Variants in MAPK14 observed in about 807,000 individuals in gnomAD.
MAPK14 encodes the protein CSAID-binding protein.
In MAPK14, 16 loss-of-function variants were observed where a neutral mutation model predicts 49.6. That is an observed-to-expected ratio of 0.32 (90% confidence interval 0.22 to 0.49). The LOEUF (loss-of-function observed/expected upper bound fraction) is 0.49, where lower values mean the gene tolerates loss of function less well. Among genes scored for constraint, MAPK14 ranks in the 20% least tolerant of loss-of-function variants. The pLI, the probability that MAPK14 is intolerant of heterozygous loss-of-function variation, is 0.99. For missense variants in MAPK14, 200 were observed against 441.2 expected (o/e 0.45, Z 4.90); for synonymous variants, 142 against 158.0 (o/e 0.90, Z 0.76).
intron 3 of MAPK14, among the ~76,000 whole-genome samples, chr6:36,068,290 G>A (rs920123282): frequency 8.5e-5 from 13 of 152,298 alleles, no homozygotes; most frequent in African/African-American, 2.4e-4. Context: ...CAGAGACATA[G>A]ACTATGAAAT....
chr6:36,120,116 CGGG>C, the MAPK14 span, among the ~76,000 whole-genome samples: 1 of 152,102 alleles, frequency 6.6e-6, no homozygotes, highest in Non-Finnish European at 1.5e-5. Context: ...CTTGATCAAT[CGGG>C]GCCTCAGTTA....
At chr6:36,106,509 A>G (rs1013617022) in intron 10 of MAPK14, among the ~76,000 whole-genome samples, 10 of 152,200 alleles carry the variant, frequency 6.6e-5, no homozygotes, top group African/African-American at 2.4e-4. Flanking sequence ...TCTTAACATG[A>G]ACTGGATTTT....
Position 36,108,761 on chromosome 6 carries a change from T to G in MAPK14, c.*314T>G, listed in dbSNP as rs1009178722. 18 of 355,954 alleles carry G rather than the reference T, an allele frequency of 5.1e-5. No homozygotes were observed. Among genetic ancestry groups the G allele is most frequent in the African/African-American group, 3.2e-4 (15 of 47,568 alleles). The allele number at this position is 355,954 out of a possible 1,614,324, so 22.0% of individuals were successfully genotyped here. A position where few individuals can be genotyped will look rare whatever the true frequency, so the allele number is the denominator to read the frequency against. ...ACAAGAGCTGCTGTCCTTTTAGGAA[T>G]ATGTTCAATGCAAAGTAAAAAAATA... On this transcript the variant is annotated 3_prime_UTR_variant, in exon 12 of 12. Transcript: ENST00000229794.
intron 3 of MAPK14, among the ~76,000 whole-genome samples, chr6:36,060,469 A>G (rs1190839390): frequency 1.3e-5 from 2 of 152,244 alleles, no homozygotes; most frequent in Non-Finnish European, 2.9e-5. Context: ...TTTTGGTCAC[A>G]TTGAAATTTT....
At chr6:36,038,749 TA>T (rs144828646) in intron 1 of MAPK14, among the ~76,000 whole-genome samples, 2,099 of 152,254 alleles carry the variant, frequency 0.014, 60 homozygotes, top group African/African-American at 0.047. Context: ...GCTCTTTAAA[TA>T]ACATGGGCTG....
intron 9 of MAPK14, 100 bp from the exon 10 acceptor site, chr6:36,102,471 T>G: frequency 1.2e-6 from 1 of 861,922 alleles, no homozygotes; most frequent in Non-Finnish European, 1.9e-6. Context: ...GTTAGTGGAC[T>G]TTGTCAGTTA....
At chr6:36,114,465 A>C (rs1223927721), downstream of MAPK14, among the ~76,000 whole-genome samples, 1 of 152,094 alleles carries the variant, frequency 6.6e-6, no homozygotes, top group Admixed American at 6.5e-5. Flanking sequence ...AAAAATACAA[A>C]AAATTAGCCG....
At chr6:36,076,635 T>C in intron 8 of MAPK14, 27 bp downstream of exon 8, 4 of 1,566,294 alleles carry the variant, frequency 2.6e-6, no homozygotes, top group Non-Finnish European at 3.5e-6. Context: ...TTTGGATTCT[T>C]GTTTCTTATC....
At chr6:36,051,650 A>G (rs901348633) in intron 1 of MAPK14, among the ~76,000 whole-genome samples, 2 of 152,174 alleles carry the variant, frequency 1.3e-5, no homozygotes, top group African/African-American at 4.8e-5. Context: ...TCAAGTGGTC[A>G]GTAGCATAAG....
chr6:36,052,635 A>G, intron 1 of MAPK14, 64 bp from the exon 2 acceptor site: 2 of 1,461,178 alleles, frequency 1.4e-6, no homozygotes, highest in South Asian at 2.8e-5. Flanking sequence ...AGCCTTATAA[A>G]TACCCCAAAA....
intron 3 of MAPK14, among the ~76,000 whole-genome samples, chr6:36,071,568 G>A (rs768067423): frequency 7.9e-5 from 12 of 152,080 alleles, no homozygotes; most frequent in South Asian, 2.1e-4. Context: ...GATAAAACAT[G>A]TTCCTCCTTC....
At chr6:36,030,398 A>G (rs1762491818) in intron 1 of MAPK14, among the ~76,000 whole-genome samples, 1 of 152,198 alleles carries the variant, frequency 6.6e-6, no homozygotes, top group Admixed American at 6.5e-5. Flanking sequence ...TTACAAAGGT[A>G]CTCAGTGGGC....
chr6:36,055,188 CA>C (rs1763547399), intron 2 of MAPK14, among the ~76,000 whole-genome samples: 1 of 152,224 alleles, frequency 6.6e-6, no homozygotes, highest in African/African-American at 2.4e-5. Context: ...GGCAGCCTGC[CA>C]GCTGCATCCT....
At chr6:36,052,614 AATTTG>A (rs933022540) in intron 1 of MAPK14, 80 bp from the exon 2 acceptor site, 1 of 1,306,220 alleles carries the variant, frequency 7.7e-7, no homozygotes, top group Admixed American at 2.6e-5. Flanking sequence ...TAGACCCTTT[AATTTG>A]GAAATAGCCT....
Position 36,027,851 on chromosome 6 carries a change from G to C in MAPK14, c.-307G>C. On this transcript the variant is annotated 5_prime_UTR_variant, in exon 1 of 12. Transcript: ENST00000229794. Reference sequence around the variant, plus strand: ...GCAGCAGCTGGAACGGGAGTACTGCGACGCAGCCCGGAGTCGGCCTTGTAG... The same window carrying C: ...GCAGCAGCTGGAACGGGAGTACTGCCACGCAGCCCGGAGTCGGCCTTGTAG... 1 of 402,356 alleles carries C rather than the reference G, an allele frequency of 2.5e-6. No individual in the cohort carries two copies. Among genetic ancestry groups the C allele is most frequent in the Non-Finnish European group, 4.4e-6 (1 of 228,806 alleles). The allele number at this position is 402,356 out of a possible 1,614,324, so 24.9% of individuals were successfully genotyped here.
chr6:36,091,756 C>T (rs557957307), intron 8 of MAPK14, among the ~76,000 whole-genome samples: 2 of 151,620 alleles, frequency 1.3e-5, no homozygotes, highest in East Asian at 1.9e-4. Context: ...GTGTGTTTTT[C>T]CATGGAGTAT....
intron 1 of MAPK14, among the ~76,000 whole-genome samples, chr6:36,044,596 C>T (rs138377307): frequency 2.0e-5 from 3 of 152,268 alleles, no homozygotes; most frequent in Admixed American, 1.3e-4. Flanking sequence ...AGTTGACAGC[C>T]GAACATGGTG....
At chr6:36,089,857 C>T (rs1010672121) in intron 8 of MAPK14, among the ~76,000 whole-genome samples, 2 of 152,188 alleles carry the variant, frequency 1.3e-5, no homozygotes, top group African/African-American at 4.8e-5. Flanking sequence ...CTGTTACCAA[C>T]GCTTAACACT....
At chr6:36,063,518 G>C (rs1189985849) in intron 3 of MAPK14, among the ~76,000 whole-genome samples, 1 of 152,100 alleles carries the variant, frequency 6.6e-6, no homozygotes, top group Non-Finnish European at 1.5e-5. Context: ...TGAGCCCAGG[G>C]GCAGCGGTTA....
Sources: allele counts gnomAD v4.1 joint callset (sites outside exome capture counted in the v4.1 genomes callset), GRCh38; gene constraint gnomAD v4.1.1; transcripts MANE v1.5; gene names NCBI Gene and HGNC (gene_info 2026-07-23, HGNC 2026-07-21).